Variants in FSTL5 observed in about 807,000 individuals in gnomAD.
FSTL5 encodes follistatin-related protein 5.
Under a neutral mutation model 89.1 loss-of-function variants are expected in FSTL5, and 62 were observed. The observed-to-expected ratio is 0.70, with a 90% CI of 0.57 to 0.86. The LOEUF (loss-of-function observed/expected upper bound fraction) is 0.86, where lower values mean the gene tolerates loss of function less well. FSTL5 is among the 40% of genes least tolerant of loss of function. The pLI is 0.00. For synonymous variants in FSTL5, 383 were observed against 346.2 expected (o/e 1.11, Z -1.18); for missense variants, 1,057 against 1,001.6 (o/e 1.06, Z -0.75).
chr4:161,978,682 C>T (rs182140875), intron 3 of FSTL5, among the ~76,000 whole-genome samples: 14 of 152,152 alleles, frequency 9.2e-5, no homozygotes, highest in Non-Finnish European at 1.6e-4. Context: ...TTCACCATTA[C>T]GGCTCCCTAG....
intron 10 of FSTL5, among the ~76,000 whole-genome samples, chr4:161,526,092 TTCTTAA>T (rs1731211102): frequency 1.3e-5 from 2 of 152,210 alleles, no homozygotes; most frequent in African/African-American, 4.8e-5. Context: ...GGATTACAAC[TTCTTAA>T]TCTTAATCAT....
At chr4:161,478,506 T>C (rs1729379491) in intron 13 of FSTL5, among the ~76,000 whole-genome samples, 1 of 152,130 alleles carries the variant, frequency 6.6e-6, no homozygotes, top group Non-Finnish European at 1.5e-5. Context: ...TACTGTTAGG[T>C]GCATCACAAC....
intron 15 of FSTL5, among the ~76,000 whole-genome samples, chr4:161,453,616 G>C (rs1476072861): frequency 1.3e-5 from 2 of 151,820 alleles, no homozygotes; most frequent in Admixed American, 1.3e-4. Flanking sequence ...ATTATTTTTT[G>C]ACAGGGTCTG....
At position 161,759,464 on chromosome 4, in the gene FSTL5, T is replaced by C; in HGVS notation, c.674A>G (p.Asp225Gly). The C allele has an allele frequency of 1.3e-6, 2 of 1,596,924 alleles. No individual in the cohort carries two copies. Among genetic ancestry groups the C allele is most frequent in the Non-Finnish European group, 1.7e-6 (2 of 1,171,136 alleles). The stretch of plus-strand genomic sequence containing the variant: ...CAGGTGCTTGTCAGCATTAAAATCA[T>C]CATATTTCAATAGAACATACAAAGT... ...DCTLYVLLKY[D>G]DFNADKHLAL... Residue 225 changes from aspartate to glycine, a missense_variant, in exon 6 of 16, where the codon GAT becomes GGT. Asp to Gly is a moderately conservative substitution (Grantham distance 94). Transcript: ENST00000306100.
At chr4:161,666,606 A>G (rs183854278) in intron 6 of FSTL5, among the ~76,000 whole-genome samples, 21 of 152,274 alleles carry the variant, frequency 1.4e-4, no homozygotes, top group African/African-American at 5.1e-4. Context: ...GCGATAACAG[A>G]AGTAAGAACA....
At chr4:161,680,325 G>C (rs959709654) in intron 6 of FSTL5, among the ~76,000 whole-genome samples, 5 of 151,744 alleles carry the variant, frequency 3.3e-5, no homozygotes, top group Admixed American at 3.3e-4. Context: ...GGTTCACCTA[G>C]TCATCTTGTC....
chr4:161,416,717 C>T (rs980610383), intron 15 of FSTL5, among the ~76,000 whole-genome samples: 21 of 151,670 alleles, frequency 1.4e-4, no homozygotes, highest in Middle Eastern at 3.4e-3. Context: ...TGGTGGCGGG[C>T]GCCTGTAGTC....
intron 5 of FSTL5, among the ~76,000 whole-genome samples, chr4:161,762,713 G>A (rs184123638): frequency 2.6e-5 from 4 of 152,146 alleles, no homozygotes; most frequent in East Asian, 1.9e-4. Flanking sequence ...TTGTTACCTC[G>A]GATAAAATGG....
At chr4:161,924,893 T>C (rs2110875853) in intron 3 of FSTL5, among the ~76,000 whole-genome samples, 1 of 151,996 alleles carries the variant, frequency 6.6e-6, no homozygotes, top group Non-Finnish European at 1.5e-5. Context: ...CATTATCTCA[T>C]AAAAATGTTT....
intron 2 of FSTL5, among the ~76,000 whole-genome samples, chr4:162,101,288 A>G (rs76774673): frequency 0.012 from 1,880 of 152,354 alleles, 33 homozygotes; most frequent in African/African-American, 0.043. Context: ...TTGCTTCAAC[A>G]GCAGTCAGGG....
At chr4:161,689,539 T>C (rs924826072) in intron 6 of FSTL5, among the ~76,000 whole-genome samples, 30 of 152,172 alleles carry the variant, frequency 2.0e-4, no homozygotes, top group African/African-American at 6.5e-4. Context: ...ATCTCATACA[T>C]TCTGTTTTGC....
chr4:161,416,101 C>A (rs986366581), intron 15 of FSTL5, among the ~76,000 whole-genome samples: 38 of 152,036 alleles, frequency 2.5e-4, no homozygotes, highest in Non-Finnish European at 4.4e-4. Context: ...CAAGTGTTTT[C>A]CCTAAAGCAC....
At chr4:161,633,384 G>A (rs1346406851) in intron 7 of FSTL5, among the ~76,000 whole-genome samples, 2 of 150,856 alleles carry the variant, frequency 1.3e-5, no homozygotes, top group South Asian at 2.1e-4. Flanking sequence ...TCTGTCCTCT[G>A]TCACCAGTTT....
At chr4:162,044,731 C>A in intron 2 of FSTL5, among the ~76,000 whole-genome samples, 1 of 152,180 alleles carries the variant, frequency 6.6e-6, no homozygotes, top group East Asian at 1.9e-4. Context: ...TTCTTAATAA[C>A]TTTCTGCAAT....
intron 15 of FSTL5, among the ~76,000 whole-genome samples, chr4:161,411,063 C>G (rs1428916312): frequency 6.6e-6 from 1 of 151,866 alleles, no homozygotes; most frequent in Non-Finnish European, 1.5e-5. Context: ...CTACTATGAA[C>G]AACTCTATGC....
intron 1 of FSTL5, among the ~76,000 whole-genome samples, chr4:162,160,248 T>A (rs78240625): frequency 0.097 from 14,794 of 151,836 alleles, 1,041 homozygotes; most frequent in African/African-American, 0.19. Context: ...CATGGTCCCA[T>A]CCATTATAAT....
intron 4 of FSTL5, among the ~76,000 whole-genome samples, chr4:161,848,870 G>GT (rs1212572378): frequency 6.6e-6 from 1 of 152,114 alleles, no homozygotes; most frequent in Admixed American, 6.6e-5. Flanking sequence ...ATTGACCAAA[G>GT]TAAGTCGTAT....
At position 161,464,374 on chromosome 4, in the gene FSTL5, G is replaced by C. The variant is rs114252484; in HGVS notation, c.1609-5055C>G. Among the ~76,000 whole-genome samples the C allele has an allele frequency of 6.5e-3, 981 of 152,060 alleles. 11 individuals carry two copies. Among genetic ancestry groups the C allele is most frequent in the African/African-American group, 0.02 (843 of 41,488 alleles). On this transcript the variant is annotated intron_variant, in intron 13 of 15. Transcript: ENST00000306100. Reference sequence around the variant, plus strand: ...CAATGCCTGCTTCCTCAACATCTTTGCTCATAATTCACTTTCTCAGCACGG... The same window carrying C: ...CAATGCCTGCTTCCTCAACATCTTTCCTCATAATTCACTTTCTCAGCACGG...
intron 7 of FSTL5, among the ~76,000 whole-genome samples, chr4:161,598,567 G>T (rs1207073460): frequency 6.6e-6 from 1 of 152,096 alleles, no homozygotes; most frequent in Non-Finnish European, 1.5e-5. Context: ...AAGATGAAGT[G>T]ATGTATTAAG....
Sources: gnomAD v4.1 joint callset for allele counts (sites outside exome capture counted in the v4.1 genomes callset) on GRCh38, gnomAD v4.1.1 for gene constraint, MANE v1.5 for transcripts, NCBI Gene and HGNC (gene_info 2026-07-23, HGNC 2026-07-21) for gene names.